The following ROBO1 variants were observed in gnomAD, a reference collection of about 807,000 sequenced individuals.
The protein encoded by ROBO1 is roundabout homolog 1.
ROBO1 carries 149 observed loss-of-function variants against 195.9 expected under a neutral mutation model. The observed-to-expected ratio is 0.76, with a 90% CI of 0.67 to 0.87. The LOEUF (loss-of-function observed/expected upper bound fraction) is 0.87, where lower values mean the gene tolerates loss of function less well. ROBO1 is among the 40% of genes least tolerant of loss of function. ROBO1 has a pLI of 0.00. For synonymous variants in ROBO1, 816 were observed against 733.2 expected (o/e 1.11, Z -1.82); for missense variants, 1,933 against 2,068.3 (o/e 0.93, Z 1.27).
rs77013570 is a variant in ROBO1 at position 79,643,633 on chromosome 3, C to A, written c.-50-53672G>T. 8.4e-3 allele frequency among the ~76,000 whole-genome samples: 1,271 copies of A among 151,958 alleles called. 13 individuals carry two copies. The highest frequency in any genetic ancestry group is 0.011 in the Admixed American group (174 of 15,248). On this transcript the variant is annotated intron_variant, in intron 1 of 30. Transcript: ENST00000464233. ...TTGTTTCTATTCTTTTCTTTGTGATCTAAGTTAAGTTGTCAACTTTTTAAT... is the reference window on the plus strand; with the variant it reads ...TTGTTTCTATTCTTTTCTTTGTGATATAAGTTAAGTTGTCAACTTTTTAAT...
At chr3:79,212,705 A>T (rs1433431166) in intron 2 of ROBO1, among the ~76,000 whole-genome samples, 1 of 152,048 alleles carries the variant, frequency 6.6e-6, no homozygotes, top group Non-Finnish European at 1.5e-5. Flanking sequence ...CTGCAGTCCC[A>T]GCTACTTGGG....
intron 4 of ROBO1, among the ~76,000 whole-genome samples, chr3:78,834,903 G>A (rs1183027732): frequency 6.6e-6 from 1 of 152,062 alleles, no homozygotes; most frequent in African/African-American, 2.4e-5. Flanking sequence ...ATAGACATAA[G>A]TATTTTTCTA....
rs758011166 is a variant in ROBO1 at position 78,938,844 on chromosome 3, T to C, written c.256A>G (p.Thr86Ala). Residue 86 changes from threonine (T) to alanine (A), a missense_variant, in exon 4 of 31, where the codon ACT becomes GCT. Transcript: ENST00000464233. Reference sequence around the variant, plus strand: ...CGGCCTTCAGCTTTGCAGTTCAAAGTTGCAGGTTCTCCTTTTGAGACAATC... The same window carrying C: ...CGGCCTTCAGCTTTGCAGTTCAAAGCTGCAGGTTCTCCTTTTGAGACAATC... ...DLIVSKGEPATLNCKAEGRPT... is the reference protein window; with the variant it reads ...DLIVSKGEPAALNCKAEGRPT... 6.2e-7 allele frequency: 1 copy of C among 1,614,022 alleles called. No homozygotes were observed. The highest frequency in any genetic ancestry group is 8.5e-7 in the Non-Finnish European group (1 of 1,179,892).
At chr3:78,728,444 T>A (rs547194662) in intron 5 of ROBO1, among the ~76,000 whole-genome samples, 1 of 57,208 alleles carries the variant, frequency 1.7e-5, no homozygotes, top group South Asian at 9.3e-4. Context: ...ATTTTGTTTT[T>A]TCTTCTAGGT....
chr3:79,469,227 AGTT>A (rs1938135170), intron 2 of ROBO1, among the ~76,000 whole-genome samples: 2 of 152,192 alleles, frequency 1.3e-5, no homozygotes, highest in African/African-American at 4.8e-5. Context: ...TTATCAAGAA[AGTT>A]ATTAGAAATT....
At chr3:79,103,685 C>T (rs778001172) in intron 3 of ROBO1, among the ~76,000 whole-genome samples, 13 of 151,766 alleles carry the variant, frequency 8.6e-5, no homozygotes, top group Middle Eastern at 3.4e-3. Flanking sequence ...CATCTAAAGT[C>T]TCTTTAACAA....
chr3:79,613,596 C>A (rs1196032346), intron 1 of ROBO1, among the ~76,000 whole-genome samples: 1 of 151,904 alleles, frequency 6.6e-6, no homozygotes, highest in African/African-American at 2.4e-5. Context: ...AAAAGGCAAA[C>A]ATGGTCAGAT....
At chr3:79,120,121 T>A (rs942415602) in intron 3 of ROBO1, among the ~76,000 whole-genome samples, 1 of 152,076 alleles carries the variant, frequency 6.6e-6, no homozygotes, top group African/African-American at 2.4e-5. Context: ...TATACCCCCA[T>A]GTACTAAGCA....
chr3:79,590,152 T>C (rs1943953640), intron 1 of ROBO1, among the ~76,000 whole-genome samples, 191 bp from the exon 2 acceptor site: 1 of 151,782 alleles, frequency 6.6e-6, no homozygotes, highest in Non-Finnish European at 1.5e-5. Context: ...ACAAATGTGG[T>C]ATTTATTAAT....
At chr3:78,907,092 A>G (rs973460536) in intron 4 of ROBO1, among the ~76,000 whole-genome samples, 5 of 152,082 alleles carry the variant, frequency 3.3e-5, no homozygotes, top group Admixed American at 1.3e-4. Context: ...ATACTACACT[A>G]ACACTCAACA....
chr3:79,653,612 C>G lies in ROBO1; in HGVS notation c.-50-63651G>C, dbSNP rs185474291. On this transcript the variant is annotated intron_variant, in intron 1 of 30. Transcript: ENST00000464233. ...TTGCATTCCCATTAGGGCATCTTTTCTAAAATGAATAGATCAGTGTCTTAG... is the reference window on the plus strand; with the variant it reads ...TTGCATTCCCATTAGGGCATCTTTTGTAAAATGAATAGATCAGTGTCTTAG... Among the ~76,000 whole-genome samples, 32 of 152,018 alleles carry G rather than the reference C, an allele frequency of 2.1e-4. No homozygotes were observed. In the East Asian group the frequency reaches 5.4e-3, roughly 26 times the overall value.
At chr3:79,417,138 G>A (rs1037253818) in intron 2 of ROBO1, among the ~76,000 whole-genome samples, 1 of 152,100 alleles carries the variant, frequency 6.6e-6, no homozygotes, top group African/African-American at 2.4e-5. Flanking sequence ...TCTTGATTGT[G>A]GACTGAGATT....
At chr3:78,728,537 A>G (rs1368586977) in intron 5 of ROBO1, among the ~76,000 whole-genome samples, 2 of 151,584 alleles carry the variant, frequency 1.3e-5, no homozygotes, top group African/African-American at 2.4e-5. Flanking sequence ...TCACTAGTCT[A>G]TTCTCAAGTG....
intron 1 of ROBO1, among the ~76,000 whole-genome samples, chr3:79,605,120 C>T (rs1290334358): frequency 6.6e-6 from 1 of 151,958 alleles, no homozygotes; most frequent in Non-Finnish European, 1.5e-5. Flanking sequence ...AAGGAATTGT[C>T]CGAAATGTTC....
chr3:78,713,303 C>T (rs1025714146), intron 8 of ROBO1, among the ~76,000 whole-genome samples: 1 of 151,988 alleles, frequency 6.6e-6, no homozygotes, highest in African/African-American at 2.4e-5. Flanking sequence ...GCCCACAAGG[C>T]TCTTTTGTAC....
intron 2 of ROBO1, among the ~76,000 whole-genome samples, chr3:79,139,566 G>A (rs2080480540): frequency 6.6e-6 from 1 of 152,072 alleles, no homozygotes; most frequent in African/African-American, 2.4e-5. Flanking sequence ...ATTAAAAACT[G>A]AGCCAATTGT....
At chr3:78,739,111 T>C (rs753008378) in intron 5 of ROBO1, among the ~76,000 whole-genome samples, 9 of 152,156 alleles carry the variant, frequency 5.9e-5, no homozygotes, top group African/African-American at 9.7e-5. Context: ...AGCTCAGAAT[T>C]TGAAGCATGA....
intron 2 of ROBO1, among the ~76,000 whole-genome samples, chr3:79,514,464 A>C (rs1420024013): frequency 6.6e-6 from 1 of 151,772 alleles, no homozygotes; most frequent in Non-Finnish European, 1.5e-5. Context: ...GGTCAATATC[A>C]TTTTTTTTCT....
At chr3:79,269,710 AT>A (rs2030344287) in intron 2 of ROBO1, among the ~76,000 whole-genome samples, 1 of 151,714 alleles carries the variant, frequency 6.6e-6, no homozygotes, top group African/African-American at 2.4e-5. Context: ...TTAGCACTGT[AT>A]TTTAACAAAA....
Sources: gnomAD v4.1 joint callset for allele counts (sites outside exome capture counted in the v4.1 genomes callset) on GRCh38, gnomAD v4.1.1 for gene constraint, MANE v1.5 for transcripts, NCBI Gene and HGNC (gene_info 2026-07-23, HGNC 2026-07-21) for gene names.